GCSAML: variants seen among roughly 807,000 people sequenced by gnomAD.
GCSAML encodes germinal center associated signaling and motility like, also known as germinal center-associated signaling and motility-like protein.
A neutral mutation model predicts 13.0 loss-of-function variants in GCSAML; 9 were observed. That is an observed-to-expected ratio of 0.69 (90% CI 0.42 to 1.21). The LOEUF is 1.21. Among genes scored for constraint, GCSAML ranks in the 50% most tolerant of loss-of-function variants. GCSAML has a pLI of 0.00. For missense variants in GCSAML, 143 were observed against 153.4 expected (o/e 0.93, Z 0.36); for synonymous variants, 37 against 52.9 (o/e 0.70, Z 1.31).
intron 4 of GCSAML, among the ~76,000 whole-genome samples, chr1:247,566,540 G>T (rs1176343282): frequency 6.6e-6 from 1 of 152,142 alleles, no homozygotes; most frequent in African/African-American, 2.4e-5. Context: ...ACTGTGTCCA[G>T]CCTATTATTT....
At chr1:247,529,911 CCT>C (rs1185124934) in intron 2 of GCSAML, 3 of 152,076 alleles carry the variant, frequency 2.0e-5, no homozygotes, top group African/African-American at 7.2e-5. Flanking sequence ...GCAACATCAA[CCT>C]CTGTCAAAAT....
chr1:247,559,219 G>A (rs575772578), intron 2 of GCSAML, among the ~76,000 whole-genome samples: 20 of 152,264 alleles, frequency 1.3e-4, no homozygotes, highest in Non-Finnish European at 2.1e-4. Flanking sequence ...TTTGAAATTT[G>A]TCTGCTAGAG....
At position 247,543,702 on chromosome 1, in the gene GCSAML, TTAAAA is replaced by T. The variant is rs541491044; in HGVS notation, c.-147-5338_-147-5334del. On this transcript the variant is annotated intron_variant, in intron 2 of 5. Transcript: ENST00000366489. ...TATATGAATTTATTTAACTTTCTAC[TTAAAA>T]TAAATCAAAACTACTTGCTTCTCTA... is the stretch of plus-strand genomic sequence containing the variant. Among the ~76,000 whole-genome samples, 378 of 152,344 alleles carry T rather than the reference TTAAAA, an allele frequency of 2.5e-3. 1 individual carries two copies. Among genetic ancestry groups the T allele is most frequent in the Admixed American group, 4.4e-3 (68 of 15,308 alleles).
intron 1 of GCSAML, among the ~76,000 whole-genome samples, chr1:247,555,653 A>G (rs147280782): frequency 2.2e-4 from 34 of 152,348 alleles, no homozygotes; most frequent in African/African-American, 7.7e-4. Flanking sequence ...AAAGCTACCT[A>G]GAAGCAGAAG....
chr1:247,526,955 G>A lies in GCSAML; in HGVS notation c.-247G>A, dbSNP rs1666705296. The stretch of plus-strand genomic sequence containing the variant: ...TTTCTTTCAGGATTTACTGCCTCAA[G>A]ATGGTTATGTTGGAGGATTCCAATA... On this transcript the variant is annotated 5_prime_UTR_variant, in exon 2 of 6. Transcript: ENST00000366489. The surrounding 1 kb of genome is among the most constrained non-coding windows in gnomAD (Gnocchi z 4.8). 2.2e-6 allele frequency: 1 copy of A among 456,682 alleles called. No homozygotes were observed. The allele number at this position is 456,682 out of a possible 1,614,324, so 28.3% of individuals were successfully genotyped here. A position where few individuals can be genotyped will look rare whatever the true frequency, so the allele number is the denominator to read the frequency against.
At chr1:247,544,206 G>GA (rs1667496758), upstream of GCSAML, among the ~76,000 whole-genome samples, 1 of 152,276 alleles carries the variant, frequency 6.6e-6, no homozygotes, top group South Asian at 2.1e-4. Flanking sequence ...TGGAAGGACA[G>GA]AATTAGGCCA....
intron 4 of GCSAML, among the ~76,000 whole-genome samples, chr1:247,571,970 T>C (rs1350575723): frequency 6.6e-6 from 1 of 152,214 alleles, no homozygotes; most frequent in Non-Finnish European, 1.5e-5. Context: ...ATGTCTGACA[T>C]CCTTTCTTCT....
intron 3 of GCSAML, among the ~76,000 whole-genome samples, chr1:247,564,991 T>C (rs1668283672): frequency 6.6e-6 from 1 of 151,966 alleles, no homozygotes; most frequent in African/African-American, 2.4e-5. Context: ...CAAAAGCAAT[T>C]GTAAGAAAAG....
intron 1 of GCSAML, among the ~76,000 whole-genome samples, chr1:247,555,990 T>C (rs1667933089): frequency 1.3e-5 from 2 of 152,172 alleles, no homozygotes; most frequent in African/African-American, 2.4e-5. Context: ...CTTGCTCTGG[T>C]TCAGTGGGCC....
At chr1:247,523,152 T>G (rs10802520) in intron 1 of GCSAML, among the ~76,000 whole-genome samples, 1 of 152,146 alleles carries the variant, frequency 6.6e-6, no homozygotes, top group Non-Finnish European at 1.5e-5. Flanking sequence ...ACAGAACAGA[T>G]GCCCCTTCAA....
chr1:247,512,207 TTTCA>T (rs959888569), intron 1 of GCSAML, among the ~76,000 whole-genome samples: 1 of 152,020 alleles, frequency 6.6e-6, no homozygotes, highest in Non-Finnish European at 1.5e-5. Context: ...GTTCATTTAT[TTTCA>T]TTCTTTTTTC....
intron 2 of GCSAML, 110 bp from the exon 3 acceptor site, chr1:247,563,480 G>GA: frequency 3.5e-6 from 2 of 577,502 alleles, no homozygotes; most frequent in South Asian, 2.9e-5. Context: ...TATTTGCATG[G>GA]AAAATCTAAC....
intron 1 of GCSAML, among the ~76,000 whole-genome samples, chr1:247,522,262 CCCACCCGGCTAG>C (rs1666468922): frequency 8.3e-6 from 1 of 120,372 alleles, no homozygotes; most frequent in African/African-American, 3.1e-5. Flanking sequence ...GGGGGCAGCC[CCCACCCGGCTAG>C]CCGCCCTGTC....
intron 1 of GCSAML, among the ~76,000 whole-genome samples, chr1:247,519,903 G>A (rs1469785178): frequency 6.6e-6 from 1 of 152,204 alleles, no homozygotes; most frequent in African/African-American, 2.4e-5. Context: ...TGCTTAGCAT[G>A]GGAGAGTTTG....
intron 1 of GCSAML, among the ~76,000 whole-genome samples, chr1:247,514,784 T>C (rs919053009): frequency 1.2e-4 from 18 of 152,252 alleles, no homozygotes; most frequent in Non-Finnish European, 2.5e-4. Flanking sequence ...TATTTAGCTT[T>C]AATTACGGTT....
intron 2 of GCSAML, among the ~76,000 whole-genome samples, chr1:247,541,439 A>T (rs568770137): frequency 6.6e-6 from 1 of 152,298 alleles, no homozygotes; most frequent in Admixed American, 6.5e-5. Context: ...GCACGGTCTC[A>T]TCATGGCCTA....
chr1:247,573,468 T>C (rs1196531939), intron 4 of GCSAML, among the ~76,000 whole-genome samples: 2 of 152,180 alleles, frequency 1.3e-5, no homozygotes, highest in Admixed American at 6.5e-5. Context: ...TTGCACTTCC[T>C]GTGTGAGGTG....
At chr1:247,545,124 G>T (rs1667524490), upstream of GCSAML, among the ~76,000 whole-genome samples, 1 of 152,214 alleles carries the variant, frequency 6.6e-6, no homozygotes, top group Non-Finnish European at 1.5e-5. Flanking sequence ...AATTGAGTCA[G>T]ATTTGAGAGT....
At chr1:247,565,422 C>G (rs902833068) in intron 3 of GCSAML, among the ~76,000 whole-genome samples, 2 of 151,862 alleles carry the variant, frequency 1.3e-5, no homozygotes, top group African/African-American at 2.4e-5. Flanking sequence ...TCAGCATTCA[C>G]AGATGGAATC....
Sources: gnomAD v4.1 joint callset for allele counts (sites outside exome capture counted in the v4.1 genomes callset) on GRCh38, gnomAD v4.1.1 for gene constraint, Gnocchi (gnomAD v3.1) non-coding constraint, MANE v1.5 for transcripts, NCBI Gene and HGNC (gene_info 2026-07-23, HGNC 2026-07-21) for gene names.